Variants in CTNND2 observed in about 807,000 individuals in gnomAD.
The protein encoded by CTNND2 is catenin delta 2, also known as catenin delta-2.
A neutral mutation model predicts 144.4 loss-of-function variants in CTNND2; 22 were observed. The ratio of observed to expected loss-of-function variants is 0.15; its 90% confidence interval spans 0.11 to 0.22. The LOEUF is 0.22. Ranked by LOEUF, CTNND2 falls within the 10% of genes least tolerant of loss-of-function variation. The pLI, the probability that CTNND2 is intolerant of heterozygous loss-of-function variation, is 1.00. For missense variants in CTNND2, 1,353 were observed against 1,618.8 expected (o/e 0.84, Z 2.82); for synonymous variants, 751 against 695.6 (o/e 1.08, Z -1.25).
chr5:11,855,167 A>T (rs1442819513), intron 1 of CTNND2, among the ~76,000 whole-genome samples: 1 of 152,188 alleles, frequency 6.6e-6, no homozygotes, highest in Admixed American at 6.5e-5. Context: ...AGATGCCAAA[A>T]GGATTTGTGG....
intron 2 of CTNND2, among the ~76,000 whole-genome samples, chr5:11,628,915 T>C (rs1781284450): frequency 6.6e-6 from 1 of 152,164 alleles, no homozygotes; most frequent in South Asian, 2.1e-4. Flanking sequence ...GGACAAAAGC[T>C]GGCAGGAAAA....
intron 2 of CTNND2, among the ~76,000 whole-genome samples, chr5:11,566,159 C>A (rs1478229592): frequency 6.6e-6 from 1 of 152,122 alleles, no homozygotes; most frequent in Non-Finnish European, 1.5e-5. Context: ...TTAAAAATAT[C>A]CTGGCTCTTT....
intron 12 of CTNND2, among the ~76,000 whole-genome samples, chr5:11,146,132 T>C (rs1757224412): frequency 7.6e-6 from 1 of 132,396 alleles, no homozygotes; most frequent in South Asian, 2.5e-4. Flanking sequence ...TTCCTCCTCT[T>C]CTGTTAAAAC....
intron 18 of CTNND2, among the ~76,000 whole-genome samples, chr5:11,002,247 G>A (rs577537613): frequency 6.6e-6 from 1 of 152,366 alleles, no homozygotes; most frequent in Non-Finnish European, 1.5e-5. Context: ...AGGGAACAGT[G>A]ATGACCAGTG....
chr5:11,697,135 G>C (rs1472877481), intron 2 of CTNND2, among the ~76,000 whole-genome samples: 1 of 152,214 alleles, frequency 6.6e-6, no homozygotes, highest in East Asian at 1.9e-4. Flanking sequence ...AATAGTGCCA[G>C]AATAAATATG....
chr5:11,029,469 TACC>T (rs2149549002), intron 16 of CTNND2, among the ~76,000 whole-genome samples: 1 of 152,356 alleles, frequency 6.6e-6, no homozygotes, highest in Non-Finnish European at 1.5e-5. Context: ...TCTTTGTGGT[TACC>T]ACAGGGATTA....
chr5:11,071,415 C>T (rs938401762), intron 16 of CTNND2, among the ~76,000 whole-genome samples: 2 of 152,116 alleles, frequency 1.3e-5, no homozygotes, highest in African/African-American at 2.4e-5. Flanking sequence ...GCGTCTGCAC[C>T]TGTAATCCCA....
chr5:11,844,152 G>C (rs535660635), intron 1 of CTNND2, among the ~76,000 whole-genome samples: 45 of 152,160 alleles, frequency 3.0e-4, no homozygotes, highest in African/African-American at 1.1e-3. Flanking sequence ...AAATAGAAGG[G>C]AAAAATCACT....
At chr5:11,118,085 GTGCA>G (rs1454259059) in intron 12 of CTNND2, among the ~76,000 whole-genome samples, 6 of 152,236 alleles carry the variant, frequency 3.9e-5, no homozygotes, top group African/African-American at 7.2e-5. Flanking sequence ...TCATTGGGAT[GTGCA>G]TGATACCTCT....
chr5:11,838,587 A>G (rs1271824152), intron 1 of CTNND2, among the ~76,000 whole-genome samples: 1 of 152,198 alleles, frequency 6.6e-6, no homozygotes, highest in East Asian at 1.9e-4. Flanking sequence ...CTGACTACTT[A>G]AAGTTCTACA....
chr5:11,722,680 G>A (rs1380474573), intron 2 of CTNND2, among the ~76,000 whole-genome samples: 5 of 152,146 alleles, frequency 3.3e-5, no homozygotes, highest in Non-Finnish European at 7.4e-5. Flanking sequence ...GGGGCGGAAA[G>A]CCCCTTATAA....
At chr5:11,750,750 A>T (rs1403942984) in intron 1 of CTNND2, among the ~76,000 whole-genome samples, 1 of 151,824 alleles carries the variant, frequency 6.6e-6, no homozygotes, top group East Asian at 1.9e-4. Context: ...AAAAATTACA[A>T]AGCTTGTGAC....
intron 12 of CTNND2, among the ~76,000 whole-genome samples, chr5:11,139,399 A>C (rs1756481057): frequency 6.6e-6 from 1 of 152,180 alleles, no homozygotes; most frequent in South Asian, 2.1e-4. Context: ...ATTTCATTTC[A>C]CATTTGTTTT....
chr5:11,231,333 T>G (rs543485507), intron 10 of CTNND2, among the ~76,000 whole-genome samples: 1 of 152,232 alleles, frequency 6.6e-6, no homozygotes, highest in East Asian at 1.9e-4. Flanking sequence ...GGGCAGAGGT[T>G]GGAACAGTTT....
At chr5:11,210,934 C>A (rs1738564905) in intron 10 of CTNND2, among the ~76,000 whole-genome samples, 1 of 152,106 alleles carries the variant, frequency 6.6e-6, no homozygotes, top group African/African-American at 2.4e-5. Context: ...AGGAAACCAA[C>A]AAGGGAGCAA....
At chr5:11,399,927 A>G (rs1472893483) in intron 5 of CTNND2, among the ~76,000 whole-genome samples, 1 of 152,240 alleles carries the variant, frequency 6.6e-6, no homozygotes, top group East Asian at 1.9e-4. Flanking sequence ...TACTCATTCT[A>G]ATTTTAGAGA....
intron 10 of CTNND2, among the ~76,000 whole-genome samples, chr5:11,207,336 G>A (rs1187265870): frequency 6.7e-6 from 1 of 149,914 alleles, no homozygotes; most frequent in Non-Finnish European, 1.5e-5. Context: ...GTATATCTAT[G>A]TAACAGACAT....
At chr5:11,323,189 C>A (rs896244481) in intron 9 of CTNND2, among the ~76,000 whole-genome samples, 1 of 149,148 alleles carries the variant, frequency 6.7e-6, no homozygotes, top group Non-Finnish European at 1.5e-5. Context: ...CAGTGTGCAC[C>A]ACCACTGCCC....
rs553502481 is a variant in CTNND2 at position 10,982,513 on chromosome 5, T to C, written c.3344-667A>G. On this transcript the variant is annotated intron_variant, in intron 20 of 21. Transcript: ENST00000304623. ...GGGGGCCTATTAGCCCACTTCCTTA[T>C]GGGAAACCCTTGAAGCTCAAGCCAC... is the stretch of plus-strand genomic sequence containing the variant. 1.5e-4 allele frequency among the ~76,000 whole-genome samples: 23 copies of C among 152,346 alleles called. No individual in the cohort carries two copies. The South Asian group carries it at 4.3e-3, about 29-fold the overall frequency.
Sources: gnomAD v4.1 joint callset for allele counts (sites outside exome capture counted in the v4.1 genomes callset) on GRCh38, gnomAD v4.1.1 for gene constraint, MANE v1.5 for transcripts, NCBI Gene and HGNC (gene_info 2026-07-23, HGNC 2026-07-21) for gene names.